GRM7: variants seen among roughly 807,000 people sequenced by gnomAD.
GRM7 encodes the protein metabotropic glutamate receptor 7.
In GRM7, 35 loss-of-function variants were observed where a neutral mutation model predicts 84.5. The observed-to-expected ratio is 0.41, with a 90% CI of 0.32 to 0.55. The LOEUF is 0.55. Ranked by LOEUF, GRM7 falls within the 20% of genes least tolerant of loss-of-function variation. The pLI, the probability that GRM7 is intolerant of heterozygous loss-of-function variation, is 0.19. For synonymous variants in GRM7, 487 were observed against 455.1 expected (o/e 1.07, Z -0.89); for missense variants, 1,003 against 1,194.6 (o/e 0.84, Z 2.36).
At chr3:7,482,544 C>T (rs531567544) in intron 7 of GRM7, among the ~76,000 whole-genome samples, 4 of 152,036 alleles carry the variant, frequency 2.6e-5, no homozygotes, top group African/African-American at 7.2e-5. Flanking sequence ...CCTTAGAGAG[C>T]GAGTTATAAA....
chr3:7,396,148 T>G lies in GRM7; in HGVS notation c.1034-18875T>G, dbSNP rs566206201. 5.9e-4 allele frequency among the ~76,000 whole-genome samples: 90 copies of G among 152,234 alleles called. No individual in the cohort carries two copies. The Middle Eastern group carries it at 0.017, about 29-fold the overall frequency. On this transcript the variant is annotated intron_variant, in intron 4 of 9. Coordinates refer to ENST00000357716, the MANE Select transcript of GRM7 (RefSeq NM_000844.4). ...TTTTGTCAAAATTATATCAAAATCA[T>G]CAATGAGACCCAAGTACACCTGGGA...
At chr3:7,364,930 G>A (rs17653834) in intron 4 of GRM7, among the ~76,000 whole-genome samples, 9,261 of 151,666 alleles carry the variant, frequency 0.061, 408 homozygotes, top group Non-Finnish European at 0.092. Flanking sequence ...TACCTGGTTC[G>A]CTCTCTTTTC....
At chr3:7,150,015 G>T (rs568000507) in intron 2 of GRM7, among the ~76,000 whole-genome samples, 1 of 152,166 alleles carries the variant, frequency 6.6e-6, no homozygotes, top group East Asian at 1.9e-4. Context: ...AGAAAAGGAA[G>T]TGAGCTATTT....
intron 5 of GRM7, among the ~76,000 whole-genome samples, chr3:7,429,571 T>C (rs1462101938): frequency 2.0e-5 from 3 of 152,164 alleles, no homozygotes; most frequent in Non-Finnish European, 4.4e-5. Flanking sequence ...CCCTGTGTCA[T>C]TTGATCCTCC....
At chr3:7,580,918 G>A (rs1052882562) in intron 8 of GRM7, among the ~76,000 whole-genome samples, 4 of 151,898 alleles carry the variant, frequency 2.6e-5, no homozygotes, top group Non-Finnish European at 5.9e-5. Flanking sequence ...ATATGTGCTC[G>A]TAAGTTGATA....
At chr3:6,932,642 T>C (rs1157592180) in intron 1 of GRM7, among the ~76,000 whole-genome samples, 6 of 152,152 alleles carry the variant, frequency 3.9e-5, no homozygotes, top group African/African-American at 9.7e-5. Flanking sequence ...TTATTAGATA[T>C]TATGTTCATC....
intron 6 of GRM7, among the ~76,000 whole-genome samples, chr3:7,459,310 T>G (rs1698144594): frequency 6.6e-6 from 1 of 152,096 alleles, no homozygotes; most frequent in African/African-American, 2.4e-5. Flanking sequence ...AAATTTAAAT[T>G]AGATACCAGT....
At chr3:7,008,794 T>A (rs1244774182) in intron 1 of GRM7, among the ~76,000 whole-genome samples, 1 of 152,140 alleles carries the variant, frequency 6.6e-6, no homozygotes, top group African/African-American at 2.4e-5. Context: ...TCCTCTTCTT[T>A]CTCCTTTCTC....
Position 7,075,496 on chromosome 3 carries a change from A to ACGTGTGTGTG in GRM7, c.520-70956_520-70955insCGTGTGTGTG, listed in dbSNP as rs1491399036. Among the ~76,000 whole-genome samples, 706 of 138,578 alleles carry ACGTGTGTGTG rather than the reference A, an allele frequency of 5.1e-3. 16 individuals are homozygous for ACGTGTGTGTG. Among genetic ancestry groups the ACGTGTGTGTG allele is most frequent in the African/African-American group, 0.017 (645 of 37,032 alleles). 90.9% of individuals were successfully genotyped at this position (138,578 alleles called of 152,430 possible). ...CTATCCAAAACTTCTTGCTTCTCAG[A>ACGTGTGTGTG]TGTGTGTGTGTGTGTGTGTGTGTGT... On this transcript the variant is annotated intron_variant, in intron 1 of 9. Transcript: ENST00000357716.
At chr3:7,239,309 A>G (rs1697463997) in intron 2 of GRM7, among the ~76,000 whole-genome samples, 1 of 151,956 alleles carries the variant, frequency 6.6e-6, no homozygotes, top group African/African-American at 2.4e-5. Context: ...TCTAACATCC[A>G]CATTTCTAAT....
chr3:7,387,676 T>G (rs1253907865), intron 4 of GRM7, among the ~76,000 whole-genome samples: 1 of 152,198 alleles, frequency 6.6e-6, no homozygotes, highest in Non-Finnish European at 1.5e-5. Flanking sequence ...ACCATGCTGT[T>G]TTGGTTACTG....
In GRM7 at chr3:7,633,856, C is replaced by T. The variant is rs939371139; in HGVS notation, c.2452-46193C>T. Among the ~76,000 whole-genome samples the T allele has an allele frequency of 3.9e-5, 6 of 152,254 alleles. No homozygotes were observed. The East Asian group carries it at 9.7e-4, about 25-fold the overall frequency. ...TTTGGTTACTTCTCATTTTCATTAACTTAATTACATCCCAACAGATAGGGA... is the reference window on the plus strand; with the variant it reads ...TTTGGTTACTTCTCATTTTCATTAATTTAATTACATCCCAACAGATAGGGA... On this transcript the variant is annotated intron_variant, in intron 8 of 9. Transcript: ENST00000357716.
chr3:6,864,668 G>A (rs570093529), intron 1 of GRM7, among the ~76,000 whole-genome samples: 72 of 152,192 alleles, frequency 4.7e-4, no homozygotes, highest in African/African-American at 1.7e-3. Context: ...ATGCCAAACC[G>A]ATCACTTGAG....
At chr3:7,708,357 A>C (rs1701465479) in intron 9 of GRM7, among the ~76,000 whole-genome samples, 1 of 152,174 alleles carries the variant, frequency 6.6e-6, no homozygotes, top group East Asian at 1.9e-4. Flanking sequence ...TGGCAAAAAA[A>C]AAAAATCACA....
chr3:7,219,208 A>T (rs747246734), intron 2 of GRM7, among the ~76,000 whole-genome samples: 19 of 152,004 alleles, frequency 1.2e-4, no homozygotes, highest in Non-Finnish European at 2.2e-4. Flanking sequence ...TTCTAAATCT[A>T]GATTTTTCAT....
chr3:7,099,614 CAT>C (rs1476807610), intron 1 of GRM7, among the ~76,000 whole-genome samples: 1 of 131,734 alleles, frequency 7.6e-6, no homozygotes, highest in Non-Finnish European at 1.6e-5. Context: ...TACATGTGCA[CAT>C]ATATGTATAT....
intron 1 of GRM7, among the ~76,000 whole-genome samples, chr3:6,896,882 A>G (rs1411358766): frequency 1.3e-5 from 2 of 152,130 alleles, no homozygotes; most frequent in Non-Finnish European, 2.9e-5. Context: ...TTTCGTCTTC[A>G]ACTGTGCTCC....
chr3:7,214,526 T>G (rs905977829), intron 2 of GRM7, among the ~76,000 whole-genome samples: 7 of 152,246 alleles, frequency 4.6e-5, no homozygotes, highest in African/African-American at 1.7e-4. Flanking sequence ...CTCTAATGCT[T>G]TGCTTCATGC....
chr3:7,665,473 C>A (rs1318056434), intron 8 of GRM7, among the ~76,000 whole-genome samples: 2 of 152,020 alleles, frequency 1.3e-5, no homozygotes, highest in Non-Finnish European at 2.9e-5. Flanking sequence ...CCGCGCCCGG[C>A]CTTGCCCATG....
Sources: allele counts gnomAD v4.1 joint callset (sites outside exome capture counted in the v4.1 genomes callset), GRCh38; gene constraint gnomAD v4.1.1; transcripts MANE v1.5; gene names NCBI Gene and HGNC (gene_info 2026-07-23, HGNC 2026-07-21).